ARMC8: variants seen among roughly 807,000 people sequenced by gnomAD.
ARMC8 encodes armadillo repeat containing 8.
In ARMC8, 20 loss-of-function variants were observed where a neutral mutation model predicts 99.3. The ratio of observed to expected loss-of-function variants is 0.20; its 90% confidence interval spans 0.14 to 0.29. The LOEUF (loss-of-function observed/expected upper bound fraction) is 0.29. ARMC8 is among the 10% of genes least tolerant of loss of function. The pLI, the probability that ARMC8 is intolerant of heterozygous loss-of-function variation, is 1.00. For missense variants in ARMC8, 569 were observed against 809.5 expected, an observed-to-expected ratio of 0.70 and a Z score of 3.60; for synonymous variants, 263 against 278.3, an observed-to-expected ratio of 0.95 and a Z score of 0.55.
chr3:138,200,084 A>ATCTTGAAGTGGCAT (rs1402390006), intron 1 of ARMC8, among the ~76,000 whole-genome samples: 1 of 152,186 alleles, frequency 6.6e-6, no homozygotes, highest in African/African-American at 2.4e-5. Context: ...TTTTTTGGCT[A>ATCTTGAAGTGGCAT]TCTTGAAGTG....
chr3:138,239,263 G>T, intron 9 of ARMC8: 1 of 465,298 alleles, frequency 2.1e-6, no homozygotes, highest in Non-Finnish European at 3.8e-6. Context: ...TTAAATATCT[G>T]GCTTACCATC....
intron 2 of ARMC8, among the ~76,000 whole-genome samples, chr3:138,216,386 T>A (rs1222749469): frequency 6.6e-6 from 1 of 152,222 alleles, no homozygotes; most frequent in Non-Finnish European, 1.5e-5. Context: ...AAAATAACTT[T>A]AGTTTGAATA....
At chr3:138,189,644 GATAAAC>G (rs2043264505) in intron 1 of ARMC8, among the ~76,000 whole-genome samples, 1 of 152,192 alleles carries the variant, frequency 6.6e-6, no homozygotes, top group African/African-American at 2.4e-5. Flanking sequence ...GCTATAATTT[GATAAAC>G]ATAATTTCAG....
chr3:138,244,580 T>C (rs2046794287), intron 11 of ARMC8, among the ~76,000 whole-genome samples: 1 of 152,190 alleles, frequency 6.6e-6, no homozygotes, highest in African/African-American at 2.4e-5. Context: ...GCCCGGCCTC[T>C]AAAAGCTTTT....
chr3:138,256,555 C>T (rs1029682890), intron 12 of ARMC8, among the ~76,000 whole-genome samples: 1 of 151,808 alleles, frequency 6.6e-6, no homozygotes, highest in Non-Finnish European at 1.5e-5. Flanking sequence ...AGACTATAGG[C>T]GCCCGCCACA....
chr3:138,240,641 A>G (rs1271544288), intron 10 of ARMC8, among the ~76,000 whole-genome samples: 2 of 152,242 alleles, frequency 1.3e-5, no homozygotes, highest in South Asian at 2.1e-4. Context: ...TAAAGCTTCT[A>G]CTAGCCTAAT....
chr3:138,229,742 G>A (rs2045939048), intron 6 of ARMC8, among the ~76,000 whole-genome samples: 1 of 152,146 alleles, frequency 6.6e-6, no homozygotes, highest in African/African-American at 2.4e-5. Context: ...TATGTTGAAT[G>A]TATCATTTTT....
chr3:138,281,304 T>C (rs1009496619), intron 18 of ARMC8, among the ~76,000 whole-genome samples: 1 of 151,950 alleles, frequency 6.6e-6, no homozygotes, highest in Non-Finnish European at 1.5e-5. Context: ...TTTTCTTTTT[T>C]TTTTTTTGAT....
intron 12 of ARMC8, among the ~76,000 whole-genome samples, chr3:138,251,936 T>G (rs911069485): frequency 1.3e-5 from 2 of 152,234 alleles, no homozygotes; most frequent in African/African-American, 2.4e-5. Context: ...ATTAGATCTG[T>G]AAATCTAAAT....
chr3:138,223,292 C>A, intron 3 of ARMC8, 97 bp from the exon 4 acceptor site: 1 of 1,082,200 alleles, frequency 9.2e-7, no homozygotes, highest in Non-Finnish European at 1.3e-6. Context: ...CTCAGCCAAC[C>A]ATATTTTTAG....
At chr3:138,235,271 T>TC (rs1341744591) in intron 7 of ARMC8, among the ~76,000 whole-genome samples, 157 bp downstream of exon 7, 6 of 150,832 alleles carry the variant, frequency 4.0e-5, no homozygotes, top group Admixed American at 2.6e-4. Context: ...AGAATGCTCT[T>TC]TAAAAAAAAA....
At chr3:138,268,133 C>T (rs1232542364) in intron 15 of ARMC8, among the ~76,000 whole-genome samples, 3 of 152,048 alleles carry the variant, frequency 2.0e-5, no homozygotes, top group African/African-American at 7.2e-5. Context: ...ATCCCAGCTA[C>T]TCGGGAGGCT....
intron 1 of ARMC8, chr3:138,188,535 G>C: frequency 6.2e-7 from 1 of 1,614,076 alleles, no homozygotes; most frequent in Non-Finnish European, 8.5e-7. Context: ...AGAATGGTCA[G>C]TTTACCAATG....
intron 10 of ARMC8, among the ~76,000 whole-genome samples, chr3:138,241,518 T>C (rs2046619786): frequency 1.3e-5 from 2 of 152,224 alleles, no homozygotes; most frequent in East Asian, 1.9e-4. Flanking sequence ...ACTTGTCTTA[T>C]CGGTCCCAAA....
Position 138,242,128 on chromosome 3 carries a change from G to C in ARMC8, c.1038+145G>C, listed in dbSNP as rs74474938. On this transcript the variant is annotated intron_variant, in intron 11 of 21. Transcript: ENST00000469044. ...TATCTTTGGTAACATAGATAATATT[G>C]CTTTGTGAATTTTTGAATCCAAGTT... is the stretch of plus-strand genomic sequence containing the variant. 994 of 681,236 alleles carry C rather than the reference G, an allele frequency of 1.5e-3. 10 individuals are homozygous for C. In the African/African-American group the frequency reaches 0.015, roughly 11 times the overall value. The allele number at this position is 681,236 out of a possible 1,614,324, so 42.2% of individuals were successfully genotyped here. A position where few individuals can be genotyped will look rare whatever the true frequency, so the allele number is the denominator to read the frequency against.
chr3:138,286,613 A>AG (rs2050441896), intron 19 of ARMC8, among the ~76,000 whole-genome samples: 1 of 152,180 alleles, frequency 6.6e-6, no homozygotes, highest in South Asian at 2.1e-4. Context: ...GAGCTTTCAA[A>AG]GATTACTGCT....
chr3:138,288,198 G>T lies in ARMC8; in HGVS notation c.1822-850G>T, dbSNP rs1175597647. ...AGTAAGCCATTTATAGATTGTGTGT[G>T]TGTGAAAGTCTAGGTGTTACAGAAC... On this transcript the variant is annotated intron_variant, in intron 19 of 21. Coordinates refer to ENST00000469044, the MANE Select transcript of ARMC8 (RefSeq NM_001363941.2). Among the ~76,000 whole-genome samples, 3 of 152,196 alleles carry T rather than the reference G, an allele frequency of 2.0e-5. No homozygotes were observed. In the East Asian group the frequency reaches 5.8e-4, roughly 29 times the overall value.
At chr3:138,224,977 G>A (rs1576669652) in intron 5 of ARMC8, among the ~76,000 whole-genome samples, 2 of 152,156 alleles carry the variant, frequency 1.3e-5, no homozygotes, top group Non-Finnish European at 1.5e-5. Context: ...GCTGACTTTC[G>A]GTTGAAATCC....
At chr3:138,281,234 G>A (rs1216734717) in intron 18 of ARMC8, among the ~76,000 whole-genome samples, 1 of 151,210 alleles carries the variant, frequency 6.6e-6, no homozygotes, top group Non-Finnish European at 1.5e-5. Context: ...GTGTGTGTGT[G>A]TAGTTTTTAT....
Sources: gnomAD v4.1 joint callset for allele counts (sites outside exome capture counted in the v4.1 genomes callset) on GRCh38, gnomAD v4.1.1 for gene constraint, MANE v1.5 for transcripts, NCBI Gene and HGNC (gene_info 2026-07-23, HGNC 2026-07-21) for gene names.